The following CNTN6 variants were observed in gnomAD, a reference collection of about 807,000 sequenced individuals.
CNTN6 encodes contactin-6.
Under a neutral mutation model 122.8 loss-of-function variants are expected in CNTN6, and 137 were observed. The ratio of observed to expected loss-of-function variants is 1.12; its 90% CI spans 0.97 to 1.29. CNTN6 has a LOEUF of 1.29. CNTN6 is among the 50% of genes most tolerant of loss of function. The pLI, the probability that CNTN6 is intolerant of heterozygous loss-of-function variation, is 0.00. For missense variants in CNTN6, 1,634 were observed against 1,223.4 expected (o/e 1.34, Z -5.01); for synonymous variants, 570 against 426.0 (o/e 1.34, Z -4.16).
chr3:1,241,690 AC>A (rs1362995526), intron 4 of CNTN6, among the ~76,000 whole-genome samples: 3 of 152,110 alleles, frequency 2.0e-5, no homozygotes, highest in Non-Finnish European at 2.9e-5. Context: ...ATGTTGTCAT[AC>A]ACCAGGCCAG....
chr3:1,196,329 G>T (rs1333821187), intron 2 of CNTN6, among the ~76,000 whole-genome samples: 1 of 152,166 alleles, frequency 6.6e-6, no homozygotes, highest in Non-Finnish European at 1.5e-5. Context: ...AGGCTCTTCA[G>T]TTGGGGCCTG....
intron 2 of CNTN6, among the ~76,000 whole-genome samples, chr3:1,212,051 T>C (rs2094046205): frequency 6.6e-6 from 1 of 152,090 alleles, no homozygotes; most frequent in Non-Finnish European, 1.5e-5. Flanking sequence ...TAGATACCAG[T>C]AGGTTAGATG....
chr3:1,319,008 G>C (rs140553752), intron 7 of CNTN6, among the ~76,000 whole-genome samples: 2 of 151,622 alleles, frequency 1.3e-5, no homozygotes, highest in Non-Finnish European at 2.9e-5. Context: ...TCCATTTCTT[G>C]TATCAAAGGG....
intron 7 of CNTN6, among the ~76,000 whole-genome samples, chr3:1,301,446 A>G (rs1697397837): frequency 6.6e-6 from 1 of 152,210 alleles, no homozygotes; most frequent in South Asian, 2.1e-4. Context: ...TGTATGTACA[A>G]AAGAAACCCC....
intron 1 of CNTN6, among the ~76,000 whole-genome samples, chr3:1,113,858 TCAC>T: frequency 1.1e-3 from 1 of 942 alleles, no homozygotes; most frequent in Admixed American, 0.012. Flanking sequence ...TTAAATACTC[TCAC>T]TCACTCAAAT....
chr3:1,329,175 A>T (rs1701938813), intron 10 of CNTN6, among the ~76,000 whole-genome samples: 1 of 151,290 alleles, frequency 6.6e-6, no homozygotes, highest in African/African-American at 2.4e-5. Context: ...ATAATAAATC[A>T]GAAACACACA....
chr3:1,226,503 T>C (rs1192345538), intron 3 of CNTN6, among the ~76,000 whole-genome samples: 7 of 152,182 alleles, frequency 4.6e-5, no homozygotes, highest in African/African-American at 1.7e-4. Flanking sequence ...TCCAGAGGTA[T>C]CATTTCTATA....
intron 11 of CNTN6, among the ~76,000 whole-genome samples, chr3:1,341,680 A>T (rs986360500): frequency 1.3e-5 from 2 of 152,128 alleles, no homozygotes; most frequent in Admixed American, 6.6e-5. Context: ...TCACACTTAA[A>T]TTTTTTGTGT....
chr3:1,163,086 C>A (rs2093171239), intron 2 of CNTN6, among the ~76,000 whole-genome samples: 1 of 152,166 alleles, frequency 6.6e-6, no homozygotes, highest in African/African-American at 2.4e-5. Context: ...CCCAATGATT[C>A]TAAGATGAGA....
At chr3:1,323,759 A>G (rs1374939187) in intron 8 of CNTN6, among the ~76,000 whole-genome samples, 1 of 151,762 alleles carries the variant, frequency 6.6e-6, no homozygotes, top group Non-Finnish European at 1.5e-5. Flanking sequence ...GCAGAAAAAA[A>G]TCTAAAACTC....
At chr3:1,106,221 G>T (rs1179108896) in intron 1 of CNTN6, among the ~76,000 whole-genome samples, 1 of 152,104 alleles carries the variant, frequency 6.6e-6, no homozygotes, top group Non-Finnish European at 1.5e-5. Flanking sequence ...GACAGGTAAA[G>T]TATACACAAG....
intron 5 of CNTN6, among the ~76,000 whole-genome samples, chr3:1,285,626 A>C (rs1010855822): frequency 1.3e-5 from 2 of 152,222 alleles, no homozygotes; most frequent in Non-Finnish European, 2.9e-5. Flanking sequence ...TCAATTTTAC[A>C]AATTGAGTAT....
chr3:1,132,403 C>T (rs2092359252), intron 1 of CNTN6, among the ~76,000 whole-genome samples: 2 of 152,042 alleles, frequency 1.3e-5, no homozygotes, highest in African/African-American at 2.4e-5. Context: ...TCAGTTATCT[C>T]ATTGATGACA....
chr3:1,102,855 C>G (rs576684221), intron 1 of CNTN6, among the ~76,000 whole-genome samples: 2 of 150,700 alleles, frequency 1.3e-5, no homozygotes, highest in African/African-American at 4.9e-5. Flanking sequence ...CGCCTGTAAT[C>G]CCAGCACTTT....
At chr3:1,338,324 T>C (rs1332744280) in intron 11 of CNTN6, among the ~76,000 whole-genome samples, 1 of 152,170 alleles carries the variant, frequency 6.6e-6, no homozygotes, top group Non-Finnish European at 1.5e-5. Flanking sequence ...AAGAATCTTG[T>C]GAAAAATGCA....
At position 1,385,762 on chromosome 3, in the gene CNTN6, C is replaced by CT. The variant is rs1247115416; in HGVS notation, c.2669_2670insT (p.Ser891LysfsTer28). On this transcript the variant is annotated frameshift_variant, in exon 20 of 23. Transcript: ENST00000446702. LOFTEE classifies it high-confidence loss of function. ...TACAACACTGCTGGGACAGGGCCCT[C>CT]AAGCCCCCCAGTCAATGTTACCACC... 6.2e-7 allele frequency: 1 copy of CT among 1,612,630 alleles called. No homozygotes were observed. The highest frequency in any genetic ancestry group is 1.3e-5 in the African/African-American group (1 of 74,818).
chr3:1,216,654 G>T (rs1055644253), intron 2 of CNTN6, among the ~76,000 whole-genome samples: 1 of 152,146 alleles, frequency 6.6e-6, no homozygotes, highest in African/African-American at 2.4e-5. Flanking sequence ...GAAGTAAATT[G>T]TCCAGCACTG....
intron 4 of CNTN6, among the ~76,000 whole-genome samples, chr3:1,235,220 A>C (rs931230048): frequency 1.3e-5 from 2 of 152,168 alleles, no homozygotes; most frequent in Non-Finnish European, 2.9e-5. Context: ...AAATATAAGA[A>C]AGTAGGGGAT....
intron 2 of CNTN6, among the ~76,000 whole-genome samples, chr3:1,156,575 G>A (rs184697324): frequency 8.7e-4 from 132 of 152,200 alleles, no homozygotes; most frequent in African/African-American, 3.1e-3. Context: ...AGGAAGAAAC[G>A]ATATTTGAGT....
Sources: gnomAD v4.1 joint callset for allele counts (sites outside exome capture counted in the v4.1 genomes callset) on GRCh38, gnomAD v4.1.1 for gene constraint, MANE v1.5 for transcripts, NCBI Gene and HGNC (gene_info 2026-07-23, HGNC 2026-07-21) for gene names.